The following ZNF254 variants were observed in gnomAD, a reference collection of about 807,000 sequenced individuals.
ZNF254 encodes zinc finger protein 254.
In ZNF254, 10 loss-of-function variants were observed where a neutral mutation model predicts 12.4. That is an observed-to-expected ratio of 0.80 (90% CI 0.50 to 1.36). The LOEUF is 1.36. ZNF254 is among the 40% of genes most tolerant of loss of function. The probability of loss-of-function intolerance (pLI) is 0.00; values close to 1 mark genes in which losing one functional copy is unlikely to be tolerated. For missense variants in ZNF254, 996 were observed against 763.9 expected (o/e 1.30, Z -3.58); for synonymous variants, 305 against 253.4 (o/e 1.20, Z -1.93).
chr19:24,087,173 C>G, upstream of ZNF254: 1 of 1,191,238 alleles, frequency 8.4e-7, no homozygotes, highest in African/African-American at 1.5e-5. Context: ...AAGCGGCTTC[C>G]GGGATATGGC....
chr19:24,112,061 TC>T (rs1327102562), intron 3 of ZNF254, among the ~76,000 whole-genome samples: 1 of 144,328 alleles, frequency 6.9e-6, no homozygotes, highest in Non-Finnish European at 1.5e-5. Context: ...TAGGTTTTCT[TC>T]TAGGGTTTTT....
At chr19:24,044,139 C>CA (rs901032749) in intron 1 of ZNF254, among the ~76,000 whole-genome samples, 4 of 151,526 alleles carry the variant, frequency 2.6e-5, no homozygotes, top group Non-Finnish European at 4.4e-5. Context: ...ACTCAGGAGG[C>CA]AGAGGCAGGA....
chr19:24,122,652 C>T (rs1167773308), intron 3 of ZNF254, among the ~76,000 whole-genome samples: 1 of 148,980 alleles, frequency 6.7e-6, no homozygotes, highest in African/African-American at 2.5e-5. Flanking sequence ...TACATAATGC[C>T]ATCAACATTT....
At chr19:24,040,607 C>A (rs974126772) in intron 1 of ZNF254, among the ~76,000 whole-genome samples, 5 of 152,204 alleles carry the variant, frequency 3.3e-5, no homozygotes, top group Non-Finnish European at 1.5e-5. Flanking sequence ...TTATGAGACA[C>A]TTAGTACCCA....
At chr19:24,034,508 TTTC>T (rs1307686348) in intron 1 of ZNF254, among the ~76,000 whole-genome samples, 4 of 106,546 alleles carry the variant, frequency 3.8e-5, no homozygotes, top group African/African-American at 1.3e-4. Flanking sequence ...TTTTTTTTTT[TTTC>T]TTTTGTGCCA....
intron 3 of ZNF254, among the ~76,000 whole-genome samples, chr19:24,116,991 A>G (rs1209721698): frequency 6.6e-6 from 1 of 152,174 alleles, no homozygotes; most frequent in Non-Finnish European, 1.5e-5. Flanking sequence ...TGTCAGCAGC[A>G]GTGGCTGCAG....
chr19:24,073,401 C>T, intron 2 of ZNF254, among the ~76,000 whole-genome samples: 1 of 152,174 alleles, frequency 6.6e-6, no homozygotes, highest in Non-Finnish European at 1.5e-5. Flanking sequence ...CTTAGGTTCA[C>T]AGGTATGATT....
chr19:24,095,767 C>T (rs922188830), intron 1 of ZNF254, among the ~76,000 whole-genome samples: 14 of 151,772 alleles, frequency 9.2e-5, no homozygotes, highest in Non-Finnish European at 1.5e-5. Context: ...GTCCTTCTTC[C>T]TTATCTAGTT....
At chr19:24,068,954 G>A (rs1369611667) in intron 2 of ZNF254, among the ~76,000 whole-genome samples, 1 of 152,030 alleles carries the variant, frequency 6.6e-6, no homozygotes, top group Admixed American at 6.6e-5. Flanking sequence ...TAAAGCCCTC[G>A]GGTGGCACAG....
chr19:24,118,836 GAATGGCACCTCACACCT>G (rs1322892868), intron 3 of ZNF254, among the ~76,000 whole-genome samples: 9 of 152,028 alleles, frequency 5.9e-5, no homozygotes, highest in Non-Finnish European at 1.5e-5. Flanking sequence ...ATCTGGCCTG[GAATGGCACCTCACACCT>G]ATAATCCTAG....
At chr19:24,036,671 C>T (rs1362655845) in intron 1 of ZNF254, among the ~76,000 whole-genome samples, 1 of 152,130 alleles carries the variant, frequency 6.6e-6, no homozygotes, top group Non-Finnish European at 1.5e-5. Flanking sequence ...TGGAGGGAGA[C>T]TCTTGGTTTC....
chr19:24,126,823 T>C lies in ZNF254; in HGVS notation c.823T>C (p.Phe275Leu), dbSNP rs780683230. Residue 275 changes from phenylalanine (F) to leucine (L), a missense_variant, in exon 4 of 4, where the codon TTT (phenylalanine) becomes CTT (leucine). Transcript: ENST00000357002. Reference protein sequence around the residue: ...LYKCEECGEAFNRSSNLTTHK... With the variant: ...LYKCEECGEALNRSSNLTTHK... The stretch of plus-strand genomic sequence containing the variant: ...CAAATGTGAAGAATGTGGTGAAGCT[T>C]TTAATCGATCCTCAAATCTTACTAC... The C allele has an allele frequency of 3.7e-6, 6 of 1,613,208 alleles. No individual in the cohort carries two copies. The East Asian group carries it at 1.3e-4, about 36-fold the overall frequency.
At chr19:24,082,772 T>C (rs953884901), upstream of ZNF254, among the ~76,000 whole-genome samples, 1 of 151,698 alleles carries the variant, frequency 6.6e-6, no homozygotes, top group African/African-American at 2.4e-5. Context: ...GAGAGCTGTG[T>C]CACAGGCCAT....
At chr19:24,079,030 A>G (rs1439137404) in intron 2 of ZNF254, 2 of 152,206 alleles carry the variant, frequency 1.3e-5, no homozygotes, top group East Asian at 1.9e-4. Context: ...TTTCAGAAAG[A>G]TACAGGAAAA....
At chr19:24,058,224 A>C (rs1041332877) in intron 2 of ZNF254, among the ~76,000 whole-genome samples, 2 of 152,106 alleles carry the variant, frequency 1.3e-5, no homozygotes, top group Non-Finnish European at 2.9e-5. Context: ...CTCTGTGTAG[A>C]ACCCAAGTGA....
At chr19:24,116,144 C>CATCCTATTTTTAAAGGGAAATA (rs1555768525) in intron 3 of ZNF254, among the ~76,000 whole-genome samples, 1 of 151,124 alleles carries the variant, frequency 6.6e-6, no homozygotes, top group Non-Finnish European at 1.5e-5. Flanking sequence ...TCCTTCGTTT[C>CATCCTATTTTTAAAGGGAAATA]AACTTTGGTC....
intron 2 of ZNF254, among the ~76,000 whole-genome samples, chr19:24,049,214 A>ATATATATTTTTT (rs1160333151): frequency 7.3e-5 from 3 of 40,864 alleles, no homozygotes; most frequent in African/African-American, 1.4e-4. Flanking sequence ...ATATATATAT[A>ATATATATTTTTT]TTTTTTTTTT....
upstream of ZNF254, among the ~76,000 whole-genome samples, chr19:24,086,678 T>G (rs1972052364): frequency 2.0e-5 from 3 of 152,220 alleles, no homozygotes; most frequent in Admixed American, 2.0e-4. Context: ...GGTTTCACCA[T>G]GATAGTCAGG....
At chr19:24,061,200 A>T (rs1304326310) in intron 2 of ZNF254, among the ~76,000 whole-genome samples, 1 of 150,888 alleles carries the variant, frequency 6.6e-6, no homozygotes, top group Non-Finnish European at 1.5e-5. Context: ...GACCGTGAGC[A>T]TGGGGTTATT....
Sources: allele counts gnomAD v4.1 joint callset (sites outside exome capture counted in the v4.1 genomes callset), GRCh38; gene constraint gnomAD v4.1.1; transcripts MANE v1.5; gene names NCBI Gene and HGNC (gene_info 2026-07-23, HGNC 2026-07-21).